METTL25: variants seen among roughly 807,000 people sequenced by gnomAD.
The protein encoded by METTL25 is methyltransferase like 25.
A neutral mutation model predicts 71.6 loss-of-function variants in METTL25; 64 were observed. The observed-to-expected ratio is 0.89, with a 90% CI of 0.73 to 1.10. The LOEUF is 1.10. Ranked by LOEUF, METTL25 falls within the 50% of genes least tolerant of loss-of-function variation. The pLI is 0.00. For missense variants in METTL25, 807 were observed against 707.0 expected, an observed-to-expected ratio of 1.14 and a Z score of -1.60; for synonymous variants, 287 against 250.3, an observed-to-expected ratio of 1.15 and a Z score of -1.38.
chr12:82,477,090 T>A (rs757090182), intron 10 of METTL25, among the ~76,000 whole-genome samples, 191 bp from the exon 11 acceptor site: 1 of 151,852 alleles, frequency 6.6e-6, no homozygotes, highest in Non-Finnish European at 1.5e-5. Context: ...TTAAAGGACA[T>A]TCTTTTCCTA....
chr12:82,377,238 T>C (rs555420986), intron 1 of METTL25, among the ~76,000 whole-genome samples: 1 of 152,320 alleles, frequency 6.6e-6, no homozygotes, highest in African/African-American at 2.4e-5. Flanking sequence ...AAATATCACA[T>C]GTGGCTGATT....
intron 5 of METTL25, among the ~76,000 whole-genome samples, chr12:82,419,767 T>A (rs1280898955): frequency 6.7e-6 from 1 of 150,298 alleles, no homozygotes; most frequent in African/African-American, 2.4e-5. Flanking sequence ...TTGGGAGGAA[T>A]GTAAATTGGT....
At chr12:82,364,624 T>C (rs1238636431) in intron 1 of METTL25, among the ~76,000 whole-genome samples, 2 of 152,170 alleles carry the variant, frequency 1.3e-5, no homozygotes, top group African/African-American at 4.8e-5. Context: ...GGGATAATAT[T>C]ACCTACCTTC....
chr12:82,427,467 C>A (rs567356104), intron 5 of METTL25, among the ~76,000 whole-genome samples: 1 of 151,872 alleles, frequency 6.6e-6, no homozygotes, highest in East Asian at 1.9e-4. Flanking sequence ...TATGCTGTAC[C>A]CCTTTCAATC....
At chr12:82,374,382 A>AGT (rs1883589028) in intron 1 of METTL25, 1 of 152,150 alleles carries the variant, frequency 6.6e-6, no homozygotes, top group South Asian at 2.1e-4. Context: ...CATTTTACAG[A>AGT]GCACTGATTG....
intron 7 of METTL25, among the ~76,000 whole-genome samples, chr12:82,438,115 A>G (rs1890054570): frequency 6.6e-6 from 1 of 151,640 alleles, no homozygotes; most frequent in African/African-American, 2.4e-5. Context: ...CCTTTATGGG[A>G]CATCTCCCAT....
chr12:82,358,772 G>A lies in METTL25; in HGVS notation c.207G>A (p.Thr69=), dbSNP rs200665135. Residue 69 remains threonine, a synonymous_variant, in exon 1 of 12, where the codon ACG becomes ACA. Coordinates refer to ENST00000248306, the MANE Select transcript of METTL25 (RefSeq NM_032230.3). ...CGCTGAGGAAGTCAGCGTCGGAGAC[G>A]GAGGCCCTGCCCTCAGAGACGCGCC... is the stretch of plus-strand genomic sequence containing the variant. ...LAALRKSASE[T]EALPSETRPL... is the part of the protein sequence containing the mutation. 1.2e-5 allele frequency: 20 copies of A among 1,613,936 alleles called. No homozygotes were observed. In the South Asian group the frequency reaches 1.5e-4, roughly 12 times the overall value.
At chr12:82,418,693 A>C (rs1168653978) in intron 5 of METTL25, among the ~76,000 whole-genome samples, 1 of 152,242 alleles carries the variant, frequency 6.6e-6, no homozygotes, top group East Asian at 1.9e-4. Flanking sequence ...TATGACAAAA[A>C]AACTTGAGTT....
At chr12:82,394,760 T>C (rs1226720657) in intron 3 of METTL25, among the ~76,000 whole-genome samples, 5 of 151,962 alleles carry the variant, frequency 3.3e-5, no homozygotes, top group Non-Finnish European at 5.9e-5. Context: ...GGGAGGAGCT[T>C]ATCTGGGGAT....
At chr12:82,385,817 G>A (rs188896320) in intron 1 of METTL25, among the ~76,000 whole-genome samples, 3 of 152,214 alleles carry the variant, frequency 2.0e-5, no homozygotes, top group Non-Finnish European at 4.4e-5. Context: ...AGTCACTAAA[G>A]GATTCAGGCT....
chr12:82,458,227 C>T (rs1891628331), intron 9 of METTL25, among the ~76,000 whole-genome samples: 1 of 151,986 alleles, frequency 6.6e-6, no homozygotes, highest in Non-Finnish European at 1.5e-5. Flanking sequence ...ATGCTATGGA[C>T]ATCACAAACA....
chr12:82,471,127 A>G (rs1892544715), intron 9 of METTL25, among the ~76,000 whole-genome samples: 2 of 152,238 alleles, frequency 1.3e-5, no homozygotes, highest in South Asian at 2.1e-4. Context: ...CATTTCCTAA[A>G]TGAGACCAGC....
intron 5 of METTL25, among the ~76,000 whole-genome samples, chr12:82,420,058 T>A (rs1227212455): frequency 1.3e-5 from 2 of 152,176 alleles, no homozygotes; most frequent in Non-Finnish European, 2.9e-5. Context: ...TGCCATTTTC[T>A]ACAATATGGA....
At chr12:82,405,874 A>G (rs1233455063) in intron 5 of METTL25, among the ~76,000 whole-genome samples, 1 of 152,202 alleles carries the variant, frequency 6.6e-6, no homozygotes, top group Admixed American at 6.5e-5. Context: ...ATGTTTGTAT[A>G]ATGTGTGTCA....
chr12:82,443,462 CAA>C (rs67737833), intron 8 of METTL25, among the ~76,000 whole-genome samples: 385 of 96,564 alleles, frequency 4.0e-3, no homozygotes, highest in Middle Eastern at 9.6e-3. Flanking sequence ...CAGAGGAGAC[CAA>C]AAAAAAAAAA....
intron 8 of METTL25, among the ~76,000 whole-genome samples, chr12:82,446,899 G>A (rs995854724): frequency 2.0e-5 from 3 of 151,920 alleles, no homozygotes; most frequent in Non-Finnish European, 2.9e-5. Flanking sequence ...TTACAGGCAT[G>A]TGCCACCACG....
At chr12:82,448,559 A>G (rs1202416786) in intron 8 of METTL25, among the ~76,000 whole-genome samples, 2 of 152,094 alleles carry the variant, frequency 1.3e-5, no homozygotes, top group African/African-American at 4.8e-5. Flanking sequence ...CTCTTGCATA[A>G]TAAGAAATGT....
At chr12:82,362,543 G>A (rs1882068713) in intron 1 of METTL25, among the ~76,000 whole-genome samples, 1 of 152,176 alleles carries the variant, frequency 6.6e-6, no homozygotes, top group Non-Finnish European at 1.5e-5. Flanking sequence ...GAGCAGTCTT[G>A]GTGAGACCGG....
chr12:82,365,403 C>G (rs1395638043), intron 1 of METTL25, among the ~76,000 whole-genome samples: 1 of 152,096 alleles, frequency 6.6e-6, no homozygotes, highest in Non-Finnish European at 1.5e-5. Flanking sequence ...GTTAAAATGT[C>G]TAAAAGTTAG....
Sources: allele counts gnomAD v4.1 joint callset (sites outside exome capture counted in the v4.1 genomes callset), GRCh38; gene constraint gnomAD v4.1.1; transcripts MANE v1.5; gene names NCBI Gene and HGNC (gene_info 2026-07-23, HGNC 2026-07-21).